The following LPP variants were observed in gnomAD, a reference collection of about 807,000 sequenced individuals.
LPP encodes LIM domain containing preferred translocation partner in lipoma, also known as lipoma-preferred partner.
In LPP, 38 loss-of-function variants were observed where a neutral mutation model predicts 60.4. The ratio of observed to expected loss-of-function variants is 0.63; its 90% confidence interval spans 0.49 to 0.83. LPP has a LOEUF of 0.83. LPP is among the 40% of genes least tolerant of loss of function. The pLI is 0.00. For synonymous variants in LPP, 328 were observed against 290.8 expected, an observed-to-expected ratio of 1.13 and a Z score of -1.30; for missense variants, 902 against 783.6, an observed-to-expected ratio of 1.15 and a Z score of -1.80.
At chr3:188,188,454 G>A (rs1360890890) in intron 1 of LPP, among the ~76,000 whole-genome samples, 1 of 152,152 alleles carries the variant, frequency 6.6e-6, no homozygotes, top group Non-Finnish European at 1.5e-5. Flanking sequence ...TTAGGCCCAT[G>A]ATGCTCTTGT....
chr3:188,793,728 A>C (rs1345638587), intron 9 of LPP, among the ~76,000 whole-genome samples: 1 of 152,092 alleles, frequency 6.6e-6, no homozygotes, highest in Non-Finnish European at 1.5e-5. Context: ...AATATCAGTG[A>C]AAGAATCTTT....
intron 1 of LPP, among the ~76,000 whole-genome samples, chr3:188,222,850 A>G (rs1280101442): frequency 6.6e-6 from 1 of 152,056 alleles, no homozygotes; most frequent in African/African-American, 2.4e-5. Context: ...TCTCTTTTGG[A>G]GAGATACTTG....
chr3:188,817,712 C>T (rs555087630), intron 9 of LPP, among the ~76,000 whole-genome samples: 5 of 152,220 alleles, frequency 3.3e-5, no homozygotes, highest in East Asian at 1.9e-4. Flanking sequence ...ATGGTTTTAA[C>T]GTCACTTTGT....
rs1278615778 is a variant in LPP at position 188,182,756 on chromosome 3, A to G, written c.-190+28504A>G. Reference sequence around the variant, plus strand: ...GCACATAATATATATACATATATGTACATATATTATATATGTGCATATATA... The same window carrying G: ...GCACATAATATATATACATATATGTGCATATATTATATATGTGCATATATA... On this transcript the variant is annotated intron_variant, in intron 1 of 11. Transcript: ENST00000617246. The surrounding 1 kb of genome is among the most constrained non-coding windows in gnomAD (Gnocchi z 4.4). Among the ~76,000 whole-genome samples, 1 of 149,930 alleles carries G rather than the reference A, an allele frequency of 6.7e-6. No homozygotes were observed. Among genetic ancestry groups the G allele is most frequent in the Non-Finnish European group, 1.5e-5 (1 of 67,654 alleles).
At chr3:188,716,592 A>G (rs1241702141) in intron 8 of LPP, among the ~76,000 whole-genome samples, 1 of 152,230 alleles carries the variant, frequency 6.6e-6, no homozygotes, top group African/African-American at 2.4e-5. Flanking sequence ...TGCTGTTGAA[A>G]GACTATCATG....
intron 7 of LPP, among the ~76,000 whole-genome samples, chr3:188,643,104 A>AC (rs1850472751): frequency 6.6e-6 from 1 of 152,194 alleles, no homozygotes; most frequent in Non-Finnish European, 1.5e-5. Flanking sequence ...GATTCTTACT[A>AC]CATAGGTTCC....
chr3:188,688,495 A>G (rs114557024), intron 7 of LPP, among the ~76,000 whole-genome samples: 2,617 of 152,294 alleles, frequency 0.017, 61 homozygotes, highest in African/African-American at 0.057. Context: ...CTATATGCCA[A>G]GATAGTTGGA....
chr3:188,294,938 G>C (rs779773493), intron 2 of LPP, among the ~76,000 whole-genome samples: 1 of 152,182 alleles, frequency 6.6e-6, no homozygotes, highest in African/African-American at 2.4e-5. Flanking sequence ...GAGAACTGTG[G>C]CTGGCTTCTC....
chr3:188,770,083 C>G (rs1293093005), intron 9 of LPP, among the ~76,000 whole-genome samples: 1 of 149,968 alleles, frequency 6.7e-6, no homozygotes, highest in Non-Finnish European at 1.5e-5. Context: ...GGCAGTGGTT[C>G]AGTAAACTTC....
chr3:188,431,595 G>A (rs528018039), intron 4 of LPP, among the ~76,000 whole-genome samples: 8 of 152,250 alleles, frequency 5.3e-5, no homozygotes, highest in Admixed American at 3.3e-4. Flanking sequence ...GTAGGTGGCA[G>A]TCAATCAAAA....
rs923516263 is a variant in LPP at position 188,636,364 on chromosome 3, T to C, written c.1113+26520T>C. Among the ~76,000 whole-genome samples the C allele has an allele frequency of 1.1e-4, 16 of 152,220 alleles. No homozygotes were observed. The East Asian group carries it at 1.7e-3, about 17-fold the overall frequency. On this transcript the variant is annotated intron_variant, in intron 7 of 11. Coordinates refer to ENST00000617246, the MANE Select transcript of LPP (RefSeq NM_001375462.1). ...CTTTTCCGACGGGCTTAAAAAACGG[T>C]GCACCACGAGATTATATCCCGCACC...
At chr3:188,688,246 C>T (rs1861298923) in intron 7 of LPP, among the ~76,000 whole-genome samples, 1 of 152,154 alleles carries the variant, frequency 6.6e-6, no homozygotes, top group African/African-American at 2.4e-5. Flanking sequence ...ATGTCATTTG[C>T]CTAATTAATA....
At position 188,733,719 on chromosome 3, in the gene LPP, A is replaced by G. The variant is rs569556967; in HGVS notation, c.1240+25326A>G. On this transcript the variant is annotated intron_variant, in intron 8 of 11. Transcript: ENST00000617246. ...CAAATTCAGTTGTTAACAAACTTAT[A>G]TTAACAACGTTTTCAGGTTCTTCAG... Among the ~76,000 whole-genome samples, 3 of 152,316 alleles carry G rather than the reference A, an allele frequency of 2.0e-5. No individual in the cohort carries two copies. The South Asian group carries it at 6.2e-4, about 32-fold the overall frequency.
At chr3:188,442,504 A>T (rs912308656) in intron 4 of LPP, among the ~76,000 whole-genome samples, 2 of 152,162 alleles carry the variant, frequency 1.3e-5, no homozygotes, top group Non-Finnish European at 2.9e-5. Flanking sequence ...GAGCATCTAT[A>T]TCTGATATTT....
chr3:188,648,240 A>AGTCTTT (rs1580680794), intron 7 of LPP, among the ~76,000 whole-genome samples: 4 of 152,268 alleles, frequency 2.6e-5, no homozygotes, highest in East Asian at 3.9e-4. Flanking sequence ...GTGATTCTAC[A>AGTCTTT]ATCTTTATGG....
chr3:188,369,122 G>C (rs965844027), intron 3 of LPP, among the ~76,000 whole-genome samples: 1 of 152,034 alleles, frequency 6.6e-6, no homozygotes, highest in African/African-American at 2.4e-5. Context: ...CACTGCCCAT[G>C]TCTAAACCTG....
At chr3:188,389,775 CAAAAAA>C (rs56304365) in intron 3 of LPP, among the ~76,000 whole-genome samples, 1 of 85,346 alleles carries the variant, frequency 1.2e-5, no homozygotes, top group East Asian at 3.7e-4. Flanking sequence ...GACTCCGTCT[CAAAAAA>C]AAAAAAAAAA....
At chr3:188,288,452 C>T (rs1370198732) in intron 2 of LPP, among the ~76,000 whole-genome samples, 1 of 152,112 alleles carries the variant, frequency 6.6e-6, no homozygotes, top group Non-Finnish European at 1.5e-5. Context: ...CCAGATGAGG[C>T]AGTTGAGTGG....
rs11928014 is a variant in LPP at position 188,632,983 on chromosome 3, A to G, written c.1113+23139A>G. ...ACTTTCCTTGACCCAGAGGGAGAAA[A>G]GTCTAACATACTATCTTATTTATGC... On this transcript the variant is annotated intron_variant, in intron 7 of 11. Transcript: ENST00000617246. Among the ~76,000 whole-genome samples the G allele has an allele frequency of 2.0e-3, 306 of 152,268 alleles. 1 individual carries two copies. Among genetic ancestry groups the G allele is most frequent in the African/African-American group, 7.2e-3 (298 of 41,546 alleles).
Sources: gnomAD v4.1 joint callset for allele counts (sites outside exome capture counted in the v4.1 genomes callset) on GRCh38, gnomAD v4.1.1 for gene constraint, Gnocchi (gnomAD v3.1) non-coding constraint, MANE v1.5 for transcripts, NCBI Gene and HGNC (gene_info 2026-07-23, HGNC 2026-07-21) for gene names.